SLA2: variants seen among roughly 807,000 people sequenced by gnomAD.
SLA2 encodes the protein Src like adaptor 2.
A neutral mutation model predicts 27.3 loss-of-function variants in SLA2; 22 were observed. The observed-to-expected ratio is 0.81, with a 90% CI of 0.58 to 1.15. The LOEUF is 1.15. Ranked by LOEUF, SLA2 falls within the 50% of genes most tolerant of loss-of-function variation. The probability of loss-of-function intolerance (pLI) is 0.00; values close to 1 mark genes in which losing one functional copy is unlikely to be tolerated. For synonymous variants in SLA2, 131 were observed against 137.8 expected, an observed-to-expected ratio of 0.95 and a Z score of 0.34; for missense variants, 304 against 322.2, an observed-to-expected ratio of 0.94 and a Z score of 0.43.
At chr20:36,636,919 C>T (rs1277196467) in intron 2 of SLA2, among the ~76,000 whole-genome samples, 1 of 151,970 alleles carries the variant, frequency 6.6e-6, no homozygotes, top group East Asian at 1.9e-4. Flanking sequence ...CCATTGCACT[C>T]CAGCATGGGC....
intron 2 of SLA2, among the ~76,000 whole-genome samples, chr20:36,636,952 C>T (rs1414900886): frequency 6.6e-6 from 1 of 151,448 alleles, no homozygotes; most frequent in Non-Finnish European, 1.5e-5. Context: ...TTCCGTCCCC[C>T]ACCCCCCCCA....
intron 5 of SLA2, among the ~76,000 whole-genome samples, chr20:36,629,127 G>A (rs1167249800): frequency 1.0e-4 from 15 of 150,440 alleles, no homozygotes; most frequent in Admixed American, 2.6e-4. Context: ...GCAGTGGTGC[G>A]ATCTCGTCTC....
At chr20:36,635,384 A>G (rs1015102531) in intron 2 of SLA2, among the ~76,000 whole-genome samples, 2 of 149,712 alleles carry the variant, frequency 1.3e-5, no homozygotes, top group African/African-American at 4.9e-5. Context: ...CCCTGTAGGA[A>G]GCAAGGTCTT....
chr20:36,614,626 G>A (rs2039186086), intron 6 of SLA2, 189 bp from the exon 7 acceptor site: 13 of 985,384 alleles, frequency 1.3e-5, no homozygotes, highest in Non-Finnish European at 1.4e-5. Context: ...CTAACTTTTG[G>A]GAGACAGTCA....
intron 5 of SLA2, among the ~76,000 whole-genome samples, chr20:36,628,297 C>T (rs968683538): frequency 2.0e-5 from 3 of 152,128 alleles, no homozygotes; most frequent in Admixed American, 6.6e-5. Context: ...TACACTGTGA[C>T]GCAGGACACA....
At position 36,615,324 on chromosome 20, in the gene SLA2, TC is replaced by T. The variant is rs2039196252; in HGVS notation, c.432del (p.Ile145SerfsTer64). The T allele has an allele frequency of 6.2e-7, 1 of 1,614,058 alleles. No individual in the cohort carries two copies. The part of the protein sequence containing the change: ...VRLSRPASWD[R>X]IRHYRIHCLD... ...AGGCAGTGGATCCTGTAGTGTCTGA[TC>T]CGGTCCCAGGATGCAGGGCGGCTGA... On this transcript the variant is annotated frameshift_variant, in exon 6 of 8. Transcript: ENST00000262866. LOFTEE classifies it high-confidence loss of function.
intron 6 of SLA2, 65 bp downstream of exon 6, chr20:36,615,160 C>G: frequency 6.2e-7 from 1 of 1,608,322 alleles, no homozygotes; most frequent in South Asian, 1.1e-5. Context: ...TATCCAAGGG[C>G]ACCACTGCCT....
chr20:36,626,244 T>C (rs555451836), intron 5 of SLA2, among the ~76,000 whole-genome samples: 2 of 150,728 alleles, frequency 1.3e-5, no homozygotes, highest in South Asian at 4.2e-4. Flanking sequence ...ATACAAAAAT[T>C]AGCTGGGCGT....
chr20:36,629,739 A>T (rs1055768443), intron 5 of SLA2, among the ~76,000 whole-genome samples: 1 of 152,042 alleles, frequency 6.6e-6, no homozygotes, highest in African/African-American at 2.4e-5. Flanking sequence ...GCACCACTGC[A>T]CTCCAGCATA....
At chr20:36,625,863 G>A (rs1042805438) in intron 5 of SLA2, among the ~76,000 whole-genome samples, 12 of 150,640 alleles carry the variant, frequency 8.0e-5, no homozygotes, top group Non-Finnish European at 1.6e-4. Context: ...GGTGGCTCAT[G>A]CCTATAAACC....
At chr20:36,617,632 C>T (rs1294313667) in intron 5 of SLA2, among the ~76,000 whole-genome samples, 3 of 151,614 alleles carry the variant, frequency 2.0e-5, no homozygotes, top group Non-Finnish European at 2.9e-5. Context: ...CCAAGGCAGG[C>T]GGATCACAAG....
chr20:36,640,400 T>G (rs1307690275), intron 2 of SLA2, among the ~76,000 whole-genome samples: 1 of 152,206 alleles, frequency 6.6e-6, no homozygotes, highest in Non-Finnish European at 1.5e-5. Context: ...TAGCAGAACT[T>G]TCTGCAACAA....
At chr20:36,623,348 G>A (rs6016062) in intron 5 of SLA2, among the ~76,000 whole-genome samples, 3,964 of 149,530 alleles carry the variant, frequency 0.027, 184 homozygotes, top group African/African-American at 0.092. Context: ...TGGGAACAAA[G>A]CAATAATGTT....
In SLA2 at chr20:36,613,844, C is replaced by G; in HGVS notation, c.*22G>C. On this transcript the variant is annotated 3_prime_UTR_variant, in exon 8 of 8. Transcript: ENST00000262866. ...GTTCTAGGTGTGCAGCCTTGGTTTC[C>G]CTTTTGGCCTCTCCTTTGGGCCTAG... 1 of 1,483,048 alleles carries G rather than the reference C, an allele frequency of 6.7e-7. No homozygotes were observed. Among genetic ancestry groups the G allele is most frequent in the South Asian group, 1.1e-5 (1 of 89,402 alleles). 91.9% of individuals were successfully genotyped at this position (1,483,048 alleles called of 1,614,324 possible). A position where few individuals can be genotyped will look rare whatever the true frequency, so the allele number is the denominator to read the frequency against.
chr20:36,617,474 C>T lies in SLA2; in HGVS notation c.383-2100G>A, dbSNP rs562408488. On this transcript the variant is annotated intron_variant, in intron 5 of 7. Transcript: ENST00000262866. ...GCTTGAGCCCGGGAGGTGAAGGTTG[C>T]GGTGAGCCAAGATTGTGCCACTGCA... 3.7e-5 allele frequency among the ~76,000 whole-genome samples: 5 copies of T among 135,982 alleles called. No individual in the cohort carries two copies. The East Asian group carries it at 7.0e-4, about 19-fold the overall frequency. 89.2% of individuals were successfully genotyped at this position (135,982 alleles called of 152,430 possible). A position where few individuals can be genotyped will look rare whatever the true frequency, so the allele number is the denominator to read the frequency against.
At chr20:36,617,786 G>A (rs1174701771) in intron 5 of SLA2, among the ~76,000 whole-genome samples, 4 of 151,244 alleles carry the variant, frequency 2.6e-5, no homozygotes, top group African/African-American at 7.3e-5. Flanking sequence ...GAACCCAGGA[G>A]GCAGAGGTTG....
At chr20:36,614,038 A>C in intron 7 of SLA2, 52 bp from the exon 8 acceptor site, 6 of 1,604,346 alleles carry the variant, frequency 3.7e-6, no homozygotes, top group Non-Finnish European at 5.1e-6. Flanking sequence ...TCCTCCCTGT[A>C]CTCACTACAC....
At chr20:36,619,408 C>G (rs2039254608) in intron 5 of SLA2, among the ~76,000 whole-genome samples, 1 of 147,998 alleles carries the variant, frequency 6.8e-6, no homozygotes, top group South Asian at 2.2e-4. Flanking sequence ...CGCCTGTAAT[C>G]CCAGCTACTT....
rs765675608 is a variant in SLA2 at position 36,634,486 on chromosome 20, T to C, written c.191+4A>G. The C allele has an allele frequency of 1.9e-6, 3 of 1,604,104 alleles. No homozygotes were observed. The African/African-American group carries it at 4.0e-5, about 21-fold the overall frequency. On this transcript the variant is annotated splice_donor_region_variant and intron_variant, in intron 3 of 7. Transcript: ENST00000262866. The stretch of plus-strand genomic sequence containing the variant: ...ATTCAGGTATCCAGTGCCCATGGAC[T>C]TACTCAGAGACGATGGTCAATGGCT...
Sources: allele counts gnomAD v4.1 joint callset (sites outside exome capture counted in the v4.1 genomes callset), GRCh38; gene constraint gnomAD v4.1.1; transcripts MANE v1.5; gene names NCBI Gene and HGNC (gene_info 2026-07-23, HGNC 2026-07-21).